MAP3K7CL: variants seen among roughly 807,000 people sequenced by gnomAD.
MAP3K7CL encodes MAP3K7 C-terminal like, also known as MAP3K7 C-terminal-like protein.
MAP3K7CL carries 16 observed loss-of-function variants against 18.6 expected under a neutral mutation model. The observed-to-expected ratio is 0.86, with a 90% CI of 0.58 to 1.31. The LOEUF (loss-of-function observed/expected upper bound fraction) is 1.31. MAP3K7CL is among the 50% of genes most tolerant of loss of function. The pLI, the probability that MAP3K7CL is intolerant of heterozygous loss-of-function variation, is 0.00. For synonymous variants in MAP3K7CL, 65 were observed against 66.8 expected, an observed-to-expected ratio of 0.97 and a Z score of 0.13; for missense variants, 163 against 174.4, an observed-to-expected ratio of 0.93 and a Z score of 0.37.
chr21:29,092,448 T>C (rs749086201), exon 4 of MAP3K7CL: 3 of 1,614,100 alleles, frequency 1.9e-6, no homozygotes, highest in African/African-American at 2.7e-5. Context: ...GTATTTCAGT[T>C]TTATGCTCTG....
At chr21:29,084,575 G>C (rs1406974884), upstream of MAP3K7CL, among the ~76,000 whole-genome samples, 1 of 152,154 alleles carries the variant, frequency 6.6e-6, no homozygotes, top group African/African-American at 2.4e-5. Flanking sequence ...TTAGCCTCAG[G>C]GGAATAAAAT....
chr21:29,086,807 T>C lies in MAP3K7CL; in HGVS notation c.57+890T>C, dbSNP rs537413299. ...AGTAATAAATATTTTGGACTTCACA[T>C]ATTGTATGTTAGGGTTTTATCATAT... On this transcript the variant is annotated intron_variant, in intron 1 of 6. Transcript: ENST00000286791. 2.6e-5 allele frequency among the ~76,000 whole-genome samples: 4 copies of C among 152,342 alleles called. No individual in the cohort carries two copies. In the East Asian group the frequency reaches 7.7e-4, roughly 29 times the overall value.
intron 1 of MAP3K7CL, among the ~76,000 whole-genome samples, chr21:29,088,870 A>C (rs903487150): frequency 2.6e-5 from 4 of 152,110 alleles, no homozygotes; most frequent in African/African-American, 9.7e-5. Flanking sequence ...TTTTGCACTA[A>C]AGAGTGCTAA....
chr21:29,097,767 TA>T (rs541480857), intron 4 of MAP3K7CL, among the ~76,000 whole-genome samples: 16 of 152,304 alleles, frequency 1.1e-4, no homozygotes, highest in African/African-American at 3.8e-4. Context: ...GCTTACTGAC[TA>T]ATGTTATAAT....
chr21:29,161,463 T>C (rs1241034278), intron 4 of MAP3K7CL, among the ~76,000 whole-genome samples: 2 of 152,216 alleles, frequency 1.3e-5, no homozygotes, highest in African/African-American at 4.8e-5. Context: ...CTAAGATGAA[T>C]TGTTAAATTA....
rs139027275 is a variant in MAP3K7CL, at chr21:29,152,911, T to G, written c.132+3661T>G. 2.3e-3 allele frequency among the ~76,000 whole-genome samples: 344 copies of G among 152,332 alleles called. 2 individuals are homozygous for G. Among genetic ancestry groups the G allele is most frequent in the African/African-American group, 8.1e-3 (335 of 41,562 alleles). ...TTTCTGGTTTGCAAGATTGCCATAA[T>G]GTAGTTATAGAATAACCTTGTAAAA... On this transcript the variant is annotated intron_variant, in intron 3 of 4. Coordinates refer to ENST00000399928, the MANE Select transcript of MAP3K7CL (RefSeq NM_001286620.2).
upstream of MAP3K7CL, among the ~76,000 whole-genome samples, chr21:29,082,489 G>A (rs1348352932): frequency 6.6e-6 from 1 of 152,180 alleles, no homozygotes; most frequent in Non-Finnish European, 1.5e-5. Flanking sequence ...AACAGTGTTG[G>A]CAGGCTTGGA....
At chr21:29,082,425 G>A (rs760327650), upstream of MAP3K7CL, among the ~76,000 whole-genome samples, 1 of 152,146 alleles carries the variant, frequency 6.6e-6, no homozygotes, top group Non-Finnish European at 1.5e-5. Context: ...ACTGTATTAG[G>A]CAGGGATTGT....
At chr21:29,095,076 AAGGGGAGGGGAAGGGAGCAGAGGAG>A (rs2086097297) in intron 4 of MAP3K7CL, among the ~76,000 whole-genome samples, 1 of 139,768 alleles carries the variant, frequency 7.2e-6, no homozygotes, top group South Asian at 2.6e-4. Flanking sequence ...AAGGAAAGGG[AAGGGGAGGGGAAGGGAGCAGAGGAG>A]AGGGGAGGGG....
intron 4 of MAP3K7CL, among the ~76,000 whole-genome samples, chr21:29,113,543 T>A (rs1329385777): frequency 6.6e-6 from 1 of 152,186 alleles, no homozygotes; most frequent in Non-Finnish European, 1.5e-5. Context: ...AACCTCTGCC[T>A]CCTGGGCTCA....
At chr21:29,096,553 C>T (rs73192167) in intron 4 of MAP3K7CL, among the ~76,000 whole-genome samples, 27,686 of 152,100 alleles carry the variant, frequency 0.18, 2,914 homozygotes, top group African/African-American at 0.29. Flanking sequence ...ATGATATATT[C>T]CAAGGCCCAG....
chr21:29,128,709 A>T (rs2086724649), upstream of MAP3K7CL, among the ~76,000 whole-genome samples: 1 of 152,196 alleles, frequency 6.6e-6, no homozygotes, highest in Non-Finnish European at 1.5e-5. Flanking sequence ...ATGGTCATTC[A>T]TCCTCAAGCC....
At chr21:29,099,195 A>G (rs540063943) in intron 4 of MAP3K7CL, among the ~76,000 whole-genome samples, 2 of 151,902 alleles carry the variant, frequency 1.3e-5, no homozygotes, top group South Asian at 2.1e-4. Context: ...GGCTCAAGCA[A>G]TCCTCCCACC....
At chr21:29,106,717 G>A (rs553717724) in intron 4 of MAP3K7CL, among the ~76,000 whole-genome samples, 6 of 152,202 alleles carry the variant, frequency 3.9e-5, no homozygotes, top group Non-Finnish European at 8.8e-5. Flanking sequence ...TCCCAGCTCT[G>A]AGCAGTGGGG....
chr21:29,089,038 T>C (rs546691235), intron 1 of MAP3K7CL, among the ~76,000 whole-genome samples: 153 of 151,858 alleles, frequency 1.0e-3, no homozygotes, highest in Non-Finnish European at 1.5e-3. Flanking sequence ...GATGTGGTGG[T>C]GCATGCCTGT....
chr21:29,140,894 C>T (rs142281300), intron 2 of MAP3K7CL, among the ~76,000 whole-genome samples: 41 of 152,290 alleles, frequency 2.7e-4, no homozygotes, highest in African/African-American at 8.7e-4. Flanking sequence ...CCTCCCACCT[C>T]AGCCTCCCAA....
chr21:29,159,916 T>G (rs1208791192), intron 3 of MAP3K7CL, 25 bp from the exon 4 acceptor site: 4 of 1,566,042 alleles, frequency 2.6e-6, no homozygotes, highest in Non-Finnish European at 3.5e-6. Flanking sequence ...AGAAATGGAC[T>G]AATTTCTTCT....
chr21:29,107,061 T>C (rs2086335417), intron 4 of MAP3K7CL, among the ~76,000 whole-genome samples: 1 of 152,208 alleles, frequency 6.6e-6, no homozygotes, highest in Non-Finnish European at 1.5e-5. Context: ...CTCACGCCTG[T>C]AATCTCAGCA....
chr21:29,132,035 TATC>T (rs758732547), intron 1 of MAP3K7CL, among the ~76,000 whole-genome samples: 9 of 152,208 alleles, frequency 5.9e-5, no homozygotes, highest in Non-Finnish European at 1.3e-4. Context: ...TCCCTTAAAA[TATC>T]ATTCAGGTTT....
Sources: allele counts gnomAD v4.1 joint callset (sites outside exome capture counted in the v4.1 genomes callset), GRCh38; gene constraint gnomAD v4.1.1; transcripts MANE v1.5; gene names NCBI Gene and HGNC (gene_info 2026-07-23, HGNC 2026-07-21).